Variants in ARHGAP26 observed in about 807,000 individuals in gnomAD.
The protein encoded by ARHGAP26 is Rho GTPase activating protein 26.
ARHGAP26 carries 38 observed loss-of-function variants against 104.8 expected under a neutral mutation model. The ratio of observed to expected loss-of-function variants is 0.36; its 90% confidence interval spans 0.28 to 0.48. The LOEUF is 0.48. ARHGAP26 is among the 20% of genes least tolerant of loss of function. ARHGAP26 has a pLI of 0.99. For synonymous variants in ARHGAP26, 341 were observed against 340.0 expected, an observed-to-expected ratio of 1.00 and a Z score of -0.03; for missense variants, 704 against 947.9, an observed-to-expected ratio of 0.74 and a Z score of 3.38.
intron 18 of ARHGAP26, among the ~76,000 whole-genome samples, chr5:143,126,608 A>T (rs746105652): frequency 1.3e-5 from 2 of 152,214 alleles, no homozygotes; most frequent in Admixed American, 6.5e-5. Flanking sequence ...CTTTGCTTGG[A>T]GGTTAGAGAG....
chr5:143,004,017 CAAAA>C (rs144058530), intron 11 of ARHGAP26, among the ~76,000 whole-genome samples: 7 of 118,176 alleles, frequency 5.9e-5, no homozygotes, highest in African/African-American at 2.2e-4. Flanking sequence ...AATTTATAGA[CAAAA>C]AAAAAAAAAA....
intron 17 of ARHGAP26, among the ~76,000 whole-genome samples, chr5:143,108,037 T>C (rs1794263391): frequency 6.6e-6 from 1 of 152,248 alleles, no homozygotes; most frequent in Non-Finnish European, 1.5e-5. Flanking sequence ...ATATAAACAC[T>C]GTTATTTTGT....
At chr5:142,832,434 G>A (rs997486114) in intron 1 of ARHGAP26, among the ~76,000 whole-genome samples, 5 of 149,390 alleles carry the variant, frequency 3.3e-5, no homozygotes, top group African/African-American at 9.9e-5. Flanking sequence ...GTGTAGAGCC[G>A]GAAGGCAAGC....
At chr5:143,207,371 C>G in intron 21 of ARHGAP26, 63 bp downstream of exon 21, 1 of 1,614,190 alleles carries the variant, frequency 6.2e-7, no homozygotes, top group Non-Finnish European at 8.5e-7. Flanking sequence ...GCTCGGTCCT[C>G]TCTTCATGCA....
At chr5:142,824,670 T>C (rs1766868885) in intron 1 of ARHGAP26, among the ~76,000 whole-genome samples, 1 of 152,082 alleles carries the variant, frequency 6.6e-6, no homozygotes, top group South Asian at 2.1e-4. Context: ...GCTTAACTCT[T>C]GAGACACCCA....
chr5:143,041,326 C>G (rs1343262979), intron 13 of ARHGAP26, among the ~76,000 whole-genome samples: 1 of 152,166 alleles, frequency 6.6e-6, no homozygotes, highest in Non-Finnish European at 1.5e-5. Context: ...ATGAATGGAT[C>G]TTCTAATTTC....
At chr5:142,812,428 C>T (rs1197797017) in intron 1 of ARHGAP26, among the ~76,000 whole-genome samples, 1 of 151,904 alleles carries the variant, frequency 6.6e-6, no homozygotes, top group Non-Finnish European at 1.5e-5. Flanking sequence ...CCTCTGCCTC[C>T]TTGGGTTCAA....
At chr5:142,879,615 G>A (rs1756654294) in intron 4 of ARHGAP26, among the ~76,000 whole-genome samples, 170 bp downstream of exon 4, 1 of 152,154 alleles carries the variant, frequency 6.6e-6, no homozygotes, top group Admixed American at 6.6e-5. Flanking sequence ...GGTTCTTTAC[G>A]GGTGACTGAA....
chr5:142,806,357 A>G (rs1762980176), intron 1 of ARHGAP26, among the ~76,000 whole-genome samples: 1 of 152,198 alleles, frequency 6.6e-6, no homozygotes, highest in Non-Finnish European at 1.5e-5. Flanking sequence ...CTGGGATTAC[A>G]GTGCTGGGAT....
At position 143,161,004 on chromosome 5, in the gene ARHGAP26, ATTTTTTTTTT is replaced by A. The variant is rs11361288; in HGVS notation, c.1988+13637_1988+13646del. Among the ~76,000 whole-genome samples, 320 of 93,550 alleles carry A rather than the reference ATTTTTTTTTT, an allele frequency of 3.4e-3. 1 individual carries two copies. The highest frequency in any genetic ancestry group is 0.013 in the African/African-American group (306 of 22,920). 61.4% of individuals were successfully genotyped at this position (93,550 alleles called of 152,430 possible). A position where few individuals can be genotyped will look rare whatever the true frequency, so the allele number is the denominator to read the frequency against. On this transcript the variant is annotated intron_variant, in intron 20 of 22. Coordinates refer to ENST00000645722, the MANE Select transcript of ARHGAP26 (RefSeq NM_001135608.3). ...GACCCCAGCCTCTGGGCTATTTCAG[ATTTTTTTTTT>A]TTTTTTTTTTTTTGAGATGGAGTCT...
intron 1 of ARHGAP26, among the ~76,000 whole-genome samples, chr5:142,847,255 T>A (rs1772167256): frequency 6.6e-6 from 1 of 152,224 alleles, no homozygotes; most frequent in African/African-American, 2.4e-5. Flanking sequence ...TTAAAATTAC[T>A]ATTATTAGGT....
chr5:143,186,744 A>C (rs1805199569), intron 20 of ARHGAP26, among the ~76,000 whole-genome samples: 1 of 152,208 alleles, frequency 6.6e-6, no homozygotes, highest in Non-Finnish European at 1.5e-5. Context: ...CTTGTCTGTG[A>C]ACATTTTCCA....
rs187366055 is a variant in ARHGAP26, at chr5:142,965,272, C to A, written c.1107+33147C>A. 3.8e-3 allele frequency among the ~76,000 whole-genome samples: 585 copies of A among 152,318 alleles called. 6 individuals are homozygous for A. The highest frequency in any genetic ancestry group is 0.014 in the African/African-American group (569 of 41,564). The stretch of plus-strand genomic sequence containing the variant: ...AGGCCTCCGGATAACTGTGGGCAAG[C>A]CTGACTGATGTCAGGCCCTCCACAA... On this transcript the variant is annotated intron_variant, in intron 11 of 22. Transcript: ENST00000645722.
At chr5:142,890,624 A>G (rs148509257) in intron 5 of ARHGAP26, among the ~76,000 whole-genome samples, 31 of 152,216 alleles carry the variant, frequency 2.0e-4, no homozygotes, top group Middle Eastern at 3.4e-3. Context: ...CAGAGAGACC[A>G]GTTAGGAGAG....
chr5:143,018,707 C>G (rs546713084), intron 12 of ARHGAP26, among the ~76,000 whole-genome samples: 1 of 152,222 alleles, frequency 6.6e-6, no homozygotes, highest in African/African-American at 2.4e-5. Context: ...CTGTTTTTGT[C>G]CCAATACCTC....
chr5:142,787,064 G>C (rs186810389), intron 1 of ARHGAP26, among the ~76,000 whole-genome samples: 17 of 152,216 alleles, frequency 1.1e-4, no homozygotes, highest in South Asian at 6.2e-4. Flanking sequence ...GCACTGTCTA[G>C]GGCTCCCTTT....
chr5:142,936,108 A>AC (rs1765373100), intron 11 of ARHGAP26, among the ~76,000 whole-genome samples: 1 of 139,762 alleles, frequency 7.2e-6, no homozygotes, highest in Non-Finnish European at 1.6e-5. Flanking sequence ...AATCCCAAGG[A>AC]ACACACACAC....
intron 18 of ARHGAP26, among the ~76,000 whole-genome samples, chr5:143,123,601 C>A (rs1796386396): frequency 6.6e-6 from 1 of 152,192 alleles, no homozygotes; most frequent in Non-Finnish European, 1.5e-5. Flanking sequence ...CCCGTAATCC[C>A]AGTGTTTTGG....
chr5:142,810,222 A>G (rs1197777922), intron 1 of ARHGAP26, among the ~76,000 whole-genome samples: 1 of 152,244 alleles, frequency 6.6e-6, no homozygotes, highest in Non-Finnish European at 1.5e-5. Context: ...GCTTTATCAG[A>G]GAAAGAAGGC....
Sources: allele counts gnomAD v4.1 joint callset (sites outside exome capture counted in the v4.1 genomes callset), GRCh38; gene constraint gnomAD v4.1.1; transcripts MANE v1.5; gene names NCBI Gene and HGNC (gene_info 2026-07-23, HGNC 2026-07-21).